The following RRN3 variants were observed in gnomAD, a reference collection of about 807,000 sequenced individuals.
RRN3 encodes the protein RNA polymerase I-specific transcription initiation factor RRN3.
Under a neutral mutation model 82.3 loss-of-function variants are expected in RRN3, and 38 were observed. The observed-to-expected ratio is 0.46, with a 90% CI of 0.36 to 0.61. RRN3 has a LOEUF of 0.61. Ranked by LOEUF, RRN3 falls within the 20% of genes least tolerant of loss-of-function variation. The pLI is 0.00. For missense variants in RRN3, 726 were observed against 793.1 expected, an observed-to-expected ratio of 0.92 and a Z score of 1.02; for synonymous variants, 284 against 284.3, an observed-to-expected ratio of 1.00 and a Z score of 0.01.
intron 13 of RRN3, 57 bp downstream of exon 13, chr16:15,071,064 G>A (rs2045204260): frequency 6.7e-7 from 1 of 1,483,846 alleles, no homozygotes; most frequent in Non-Finnish European, 9.2e-7. Flanking sequence ...TTGAGACAAT[G>A]CTATACTCTT....
intron 17 of RRN3, among the ~76,000 whole-genome samples, chr16:15,062,925 C>T (rs1410611494): frequency 6.6e-6 from 1 of 152,208 alleles, no homozygotes; most frequent in Non-Finnish European, 1.5e-5. Flanking sequence ...TGCCATGCTG[C>T]ATTTACAGCT....
chr16:15,073,640 G>A (rs887948617), intron 11 of RRN3, among the ~76,000 whole-genome samples: 5 of 152,148 alleles, frequency 3.3e-5, no homozygotes, highest in Non-Finnish European at 2.9e-5. Context: ...TCTATCATTC[G>A]TGTAGCAAAA....
rs761343230 is a variant in RRN3 at position 15,061,845 on chromosome 16, C to T, written c.1855G>A (p.Val619Met). The T allele has an allele frequency of 4.3e-5, 70 of 1,613,824 alleles. No homozygotes were observed. The highest frequency in any genetic ancestry group is 4.0e-4 in the East Asian group (18 of 44,902). ...LKGEVPQNDT[V>M]IGITPSSFDT... The stretch of plus-strand genomic sequence containing the variant: ...AAGGAGCTTGGTGTGATCCCAATCA[C>T]GGTATCATTCTGGGGCACTTCGCCT... Residue 619 changes from valine (V) to methionine (M), a missense_variant, in exon 18 of 18, where the codon GTG becomes ATG. Physicochemically the swap from Val to Met is conservative, Grantham distance 21 (BLOSUM62 1). Around this residue, in one of 4 missense-constraint regions of RRN3, gnomAD observed 166 missense variants for 154.8 expected, o/e 1.07. Transcript: ENST00000198767.
At position 15,071,172 on chromosome 16, in the gene RRN3, G is replaced by A; in HGVS notation, c.1208C>T (p.Ala403Val). The A allele has an allele frequency of 6.2e-7, 1 of 1,610,638 alleles. No individual in the cohort carries two copies. The highest frequency in any genetic ancestry group is 8.5e-7 in the Non-Finnish European group (1 of 1,179,332). Residue 403 changes from alanine (A) to valine (V), a missense_variant, in exon 13 of 18, where the codon GCT becomes GTT. This residue lies in a region of RRN3 where 81 missense variants were observed against 156.4 expected (regional missense o/e 0.52). Coordinates refer to ENST00000198767, the MANE Select transcript of RRN3 (RefSeq NM_018427.5). ...CAAAAAGCTTCCAATATAATTTCCAGCAGCCTGCCTGATGATGGCAGGATT... is the reference window on the plus strand; with the variant it reads ...CAAAAAGCTTCCAATATAATTTCCAACAGCCTGCCTGATGATGGCAGGATT... ...PSNPAIIRQA[A>V]GNYIGSFLAR...
At chr16:15,077,535 G>A (rs1324328394) in intron 9 of RRN3, among the ~76,000 whole-genome samples, 1 of 152,088 alleles carries the variant, frequency 6.6e-6, no homozygotes, top group Non-Finnish European at 1.5e-5. Flanking sequence ...ATGTGGAACT[G>A]TAAGTCCAAT....
intron 3 of RRN3, among the ~76,000 whole-genome samples, chr16:15,086,669 G>A (rs2045926762): frequency 6.6e-6 from 1 of 152,124 alleles, no homozygotes; most frequent in Non-Finnish European, 1.5e-5. Context: ...TAATACACAG[G>A]AGAAAGACTT....
intron 15 of RRN3, among the ~76,000 whole-genome samples, chr16:15,067,784 G>C (rs976109872): frequency 6.6e-6 from 1 of 152,076 alleles, no homozygotes; most frequent in Non-Finnish European, 1.5e-5. Flanking sequence ...AAGAGACAGG[G>C]TCTCATTCTG....
chr16:15,071,036 A>G, intron 13 of RRN3, 85 bp downstream of exon 13: 1 of 1,200,872 alleles, frequency 8.3e-7, no homozygotes, highest in Non-Finnish European at 1.2e-6. Context: ...GCCAAAAAAA[A>G]TGGGAGATAT....
At position 15,070,066 on chromosome 16, in the gene RRN3, T is replaced by C. The variant is rs2045155970; in HGVS notation, c.1444+4A>G. The C allele has an allele frequency of 6.6e-7, 1 of 1,512,344 alleles. No homozygotes were observed. Among genetic ancestry groups the C allele is most frequent in the Non-Finnish European group, 9.1e-7 (1 of 1,101,026 alleles). 93.7% of individuals were successfully genotyped at this position (1,512,344 alleles called of 1,614,324 possible). The stretch of plus-strand genomic sequence containing the variant: ...ATCCAGTCCAGCACTCCCACAACAC[T>C]GACCTTCTTTCAGGTTTCCGCTCAA... On this transcript the variant is annotated splice_donor_region_variant and intron_variant, in intron 14 of 17. Transcript: ENST00000198767.
rs2044711987 is a variant in RRN3 at position 15,061,600 on chromosome 16, A to G, written c.*144T>C. On this transcript the variant is annotated 3_prime_UTR_variant, in exon 18 of 18. Transcript: ENST00000198767. ...AACCCAGTCTTCAGATGCTTGATTC[A>G]GTCGAACCTGGAAGTGCCACAGCCG... 2 of 631,440 alleles carry G rather than the reference A, an allele frequency of 3.2e-6. No homozygotes were observed. Among genetic ancestry groups the G allele is most frequent in the Non-Finnish European group, 5.3e-6 (2 of 375,604 alleles). 39.1% of individuals were successfully genotyped at this position (631,440 alleles called of 1,614,324 possible).
chr16:15,079,200 T>C (rs2045595502), intron 9 of RRN3, among the ~76,000 whole-genome samples: 1 of 152,148 alleles, frequency 6.6e-6, no homozygotes, highest in Admixed American at 6.5e-5. Flanking sequence ...CCTTACTGTC[T>C]GCCTCCCCTC....
At position 15,072,989 on chromosome 16, in the gene RRN3, A is replaced by G. The variant is rs1365324311; in HGVS notation, c.1089T>C (p.His363=). The G allele has an allele frequency of 1.2e-6, 2 of 1,613,604 alleles. No individual in the cohort carries two copies. Among genetic ancestry groups the G allele is most frequent in the Non-Finnish European group, 8.5e-7 (1 of 1,179,876 alleles). ...AGAGGTAAAACATGAAAAACTGTAC[A>G]TGGCAGGAGGCATGGGTGGGCAACA... ...KLLLPTHASC[H]VQFFMFYLCS... is the part of the protein sequence containing the mutation. Residue 363 remains histidine (H), a synonymous_variant, in exon 12 of 18, where the codon CAT becomes CAC. Coordinates refer to ENST00000198767, the MANE Select transcript of RRN3 (RefSeq NM_018427.5).
At chr16:15,071,788 A>G (rs2045242488) in intron 12 of RRN3, among the ~76,000 whole-genome samples, 1 of 152,114 alleles carries the variant, frequency 6.6e-6, no homozygotes, top group South Asian at 2.1e-4. Context: ...CAAACAAAAA[A>G]CAACAAAAAA....
chr16:15,076,635 G>C lies in RRN3; in HGVS notation c.781C>G (p.Gln261Glu). The C allele has an allele frequency of 6.2e-7, 1 of 1,609,498 alleles. No homozygotes were observed. The highest frequency in any genetic ancestry group is 8.5e-7 in the Non-Finnish European group (1 of 1,175,864). Reference sequence around the variant, plus strand: ...GTTTCTTCAGCATCTTCAATACCCTGCCGGGATGCATTCACCTATAACAAA... The same window carrying C: ...GTTTCTTCAGCATCTTCAATACCCTCCCGGGATGCATTCACCTATAACAAA... ...LLKLDVNASR[Q>E]GIEDAEETAT... is the part of the protein sequence containing the mutation. The change falls in exon 10 of 18, where the codon CAG (glutamine) becomes GAG (glutamate). Residue 261 changes from glutamine (Q) to glutamate (E), a missense_variant. By Grantham distance (29) the Gln-to-Glu change is conservative. Transcript: ENST00000198767.
At position 15,074,750 on chromosome 16, in the gene RRN3, A is replaced by G. The variant is rs1363347340; in HGVS notation, c.970T>C (p.Tyr324His). 6.2e-7 allele frequency: 1 copy of G among 1,614,076 alleles called. No individual in the cohort carries two copies. Among genetic ancestry groups the G allele is most frequent in the Non-Finnish European group, 8.5e-7 (1 of 1,179,990 alleles). The change falls in exon 11 of 18, where the codon TAC becomes CAC. Residue 324 changes from tyrosine to histidine, a missense_variant. Physicochemically the swap from Tyr to His is moderately conservative, Grantham distance 83. Around this residue, in one of 4 missense-constraint regions of RRN3, gnomAD observed 344 missense variants for 394.5 expected, o/e 0.87. Coordinates refer to ENST00000198767, the MANE Select transcript of RRN3 (RefSeq NM_018427.5). ...LDILMSLVLS[Y>H]MKDVCYVDGK... ...TCTACATAGCAGACATCCTTCATGT[A>G]GGACAAAACCAAAGACATCAGGATG...
chr16:15,069,445 C>T (rs1352780532), intron 14 of RRN3, among the ~76,000 whole-genome samples: 6 of 152,210 alleles, frequency 3.9e-5, no homozygotes, highest in African/African-American at 1.4e-4. Context: ...TTCTTGGAGA[C>T]TCTCTTCAAC....
Position 15,074,789 on chromosome 16 carries a change from C to A in RRN3, c.931G>T (p.Ala311Ser). 6.2e-7 allele frequency: 1 copy of A among 1,614,112 alleles called. No individual in the cohort carries two copies. Among genetic ancestry groups the A allele is most frequent in the South Asian group, 1.1e-5 (1 of 91,076 alleles). ...GACATCAGGATGTCCAGGCGCTCGG[C>A]TACAGGATGCACCATCTGGTCGAGC... ...ERLDQMVHPV[A>S]ERLDILMSLV... The change falls in exon 11 of 18, where the codon GCC becomes TCC. Residue 311 changes from alanine (A) to serine (S), a missense_variant. By Grantham distance (99) the Ala-to-Ser change is moderately conservative (BLOSUM62 1). Around this residue, in one of 4 missense-constraint regions of RRN3, gnomAD observed 344 missense variants for 394.5 expected, o/e 0.87. Transcript: ENST00000198767.
intron 12 of RRN3, among the ~76,000 whole-genome samples, chr16:15,072,505 T>C (rs2045279343): frequency 1.3e-5 from 2 of 152,068 alleles, no homozygotes; most frequent in South Asian, 2.1e-4. Context: ...CCAAGTGTAC[T>C]GAGAAGGGAA....
chr16:15,093,328 G>A (rs1214717518), intron 1 of RRN3, among the ~76,000 whole-genome samples: 1 of 152,146 alleles, frequency 6.6e-6, no homozygotes, highest in East Asian at 1.9e-4. Flanking sequence ...CATTCAAGTG[G>A]AAGCTCAAAT....
Sources: gnomAD v4.1 joint callset for allele counts (sites outside exome capture counted in the v4.1 genomes callset) on GRCh38, gnomAD v4.1.1 for gene constraint, gnomAD v4.1.1 regional missense constraint, MANE v1.5 for transcripts, NCBI Gene and HGNC (gene_info 2026-07-23, HGNC 2026-07-21) for gene names.